The following CDC42BPB variants were observed in gnomAD, a reference collection of about 807,000 sequenced individuals.
CDC42BPB encodes the protein CDC42 binding protein kinase beta.
CDC42BPB carries 37 observed loss-of-function variants against 214.9 expected under a neutral mutation model. The ratio of observed to expected loss-of-function variants is 0.17; its 90% confidence interval spans 0.13 to 0.23. CDC42BPB has a LOEUF of 0.23. CDC42BPB is among the 10% of genes least tolerant of loss of function. The pLI, the probability that CDC42BPB is intolerant of heterozygous loss-of-function variation, is 1.00. For synonymous variants in CDC42BPB, 931 were observed against 884.0 expected, an observed-to-expected ratio of 1.05 and a Z score of -0.94; for missense variants, 1,694 against 2,227.0, an observed-to-expected ratio of 0.76 and a Z score of 4.82.
At chr14:102,964,141 T>C (rs1271879589) in intron 19 of CDC42BPB, among the ~76,000 whole-genome samples, 1 of 152,146 alleles carries the variant, frequency 6.6e-6, no homozygotes, top group Admixed American at 6.5e-5. Context: ...AATCTTGAAT[T>C]AGTGAATGGA....
At position 102,943,853 on chromosome 14, in the gene CDC42BPB, G is replaced by A. The variant is rs750198864; in HGVS notation, c.4408+38C>T. ...CACATGCTGACTGTCGGTGGGAAAA[G>A]CAGCAACAGGGATATGCAACAGAAA... On this transcript the variant is annotated intron_variant, in intron 30 of 36. Transcript: ENST00000361246. The surrounding 1 kb of genome is among the most constrained non-coding windows in gnomAD (Gnocchi z 4.6). The A allele has an allele frequency of 1.3e-6, 2 of 1,544,276 alleles. No homozygotes were observed. The highest frequency in any genetic ancestry group is 4.5e-5 in the East Asian group (2 of 44,186).
At chr14:102,979,023 A>G (rs1241311864) in intron 8 of CDC42BPB, among the ~76,000 whole-genome samples, 3 of 152,166 alleles carry the variant, frequency 2.0e-5, no homozygotes, top group African/African-American at 4.8e-5. Context: ...AAAAAATATA[A>G]GCAAAGTTCT....
chr14:103,010,986 C>T (rs1886123852), intron 2 of CDC42BPB, among the ~76,000 whole-genome samples: 1 of 152,204 alleles, frequency 6.6e-6, no homozygotes, highest in Non-Finnish European at 1.5e-5. Flanking sequence ...GCGGAGATCG[C>T]ACCACTGCAC....
chr14:103,049,541 T>TG (rs1458027400), intron 1 of CDC42BPB, among the ~76,000 whole-genome samples: 2 of 152,222 alleles, frequency 1.3e-5, no homozygotes, highest in African/African-American at 4.8e-5. Context: ...TGGTAGTCTG[T>TG]GGGAAGTTGG....
chr14:103,024,713 T>C (rs34083811), intron 1 of CDC42BPB, among the ~76,000 whole-genome samples: 2,900 of 152,290 alleles, frequency 0.019, 34 homozygotes, highest in Middle Eastern at 0.024. Flanking sequence ...AACCCACCCA[T>C]TGCTAATGGC....
intron 14 of CDC42BPB, 29 bp downstream of exon 14, chr14:102,970,122 T>G: frequency 6.5e-7 from 1 of 1,547,230 alleles, no homozygotes; most frequent in Non-Finnish European, 8.9e-7. Context: ...CCCTCTCAGT[T>G]AAGGGCAGAG....
intron 5 of CDC42BPB, among the ~76,000 whole-genome samples, chr14:102,998,211 CAGAG>C (rs1894827237): frequency 6.6e-6 from 1 of 151,992 alleles, no homozygotes; most frequent in African/African-American, 2.4e-5. Flanking sequence ...AGATGGGTGA[CAGAG>C]AGAAAGAGGT....
chr14:102,946,538 C>A lies in CDC42BPB; in HGVS notation c.3678G>T (p.Val1226=), dbSNP rs1892185858. The change falls in exon 28 of 37, where the codon GTG becomes GTT. Residue 1226 remains valine, a synonymous_variant. Coordinates refer to ENST00000361246, the MANE Select transcript of CDC42BPB (RefSeq NM_006035.4). ...LHKNRLRNQV[V]HVPLEAYDSS... Reference sequence around the variant, plus strand: ...TGTCGTAGGCTTCCAAGGGAACATGCACGACCTGATTCCTCAGCCGGTTTT... The same window carrying A: ...TGTCGTAGGCTTCCAAGGGAACATGAACGACCTGATTCCTCAGCCGGTTTT... 6.2e-7 allele frequency: 1 copy of A among 1,612,812 alleles called. No homozygotes were observed. Among genetic ancestry groups the A allele is most frequent in the Non-Finnish European group, 8.5e-7 (1 of 1,179,972 alleles).
intron 7 of CDC42BPB, among the ~76,000 whole-genome samples, 183 bp downstream of exon 7, chr14:102,983,373 C>A (rs941209556): frequency 3.3e-5 from 5 of 152,088 alleles, no homozygotes; most frequent in Non-Finnish European, 7.4e-5. Context: ...GTGCCGACCC[C>A]GCCTCTGGAT....
rs1469000098 is a variant in CDC42BPB at position 102,967,040 on chromosome 14, A to G, written c.2471+6T>C. 1 of 1,613,504 alleles carries G rather than the reference A, an allele frequency of 6.2e-7. No homozygotes were observed. The highest frequency in any genetic ancestry group is 8.5e-7 in the Non-Finnish European group (1 of 1,179,950). On this transcript the variant is annotated splice_donor_region_variant and intron_variant, in intron 17 of 36. Transcript: ENST00000361246. ...TTCACGGCCGCTAATGGGGCCGCGC[A>G]CGTACCACTGAATGATTTCCGCAAT...
chr14:103,033,245 G>A (rs994908507), intron 1 of CDC42BPB, among the ~76,000 whole-genome samples: 16 of 151,868 alleles, frequency 1.1e-4, no homozygotes, highest in African/African-American at 3.1e-4. Context: ...GTTTTGAGAC[G>A]GAGTATCGCT....
At position 102,943,272 on chromosome 14, in the gene CDC42BPB, C is replaced by T. The variant is rs953602244; in HGVS notation, c.4408+619G>A. 6.6e-6 allele frequency among the ~76,000 whole-genome samples: 1 copy of T among 152,210 alleles called. No homozygotes were observed. The highest frequency in any genetic ancestry group is 1.5e-5 in the Non-Finnish European group (1 of 68,044). ...TACAGGTGTGAGCCACCGCTCTCCA[C>T]CCGGTTTAAGGTTTTAAAAGCAATC... On this transcript the variant is annotated intron_variant, in intron 30 of 36. Transcript: ENST00000361246. The surrounding 1 kb of genome is among the most constrained non-coding windows in gnomAD (Gnocchi z 4.6).
intron 19 of CDC42BPB, 170 bp from the exon 20 acceptor site, chr14:102,963,325 A>G: frequency 3.1e-6 from 3 of 974,628 alleles, no homozygotes; most frequent in Non-Finnish European, 3.7e-6. Context: ...AACAGTACGA[A>G]TATTTCAAAT....
chr14:102,970,282 T>C (rs1351580391), intron 13 of CDC42BPB, 21 bp from the exon 14 acceptor site: 2 of 1,599,940 alleles, frequency 1.3e-6, no homozygotes, highest in Non-Finnish European at 1.7e-6. Context: ...AAGATCCAGT[T>C]TCTATTAACA....
chr14:102,942,428 C>CAA (rs1463686330), intron 30 of CDC42BPB, among the ~76,000 whole-genome samples: 2 of 152,220 alleles, frequency 1.3e-5, no homozygotes, highest in Non-Finnish European at 2.9e-5. Flanking sequence ...TGTCATTCCC[C>CAA]AACTCTTGGC....
chr14:103,032,061 G>A (rs1030797638), intron 1 of CDC42BPB, among the ~76,000 whole-genome samples: 12 of 151,448 alleles, frequency 7.9e-5, no homozygotes, highest in Non-Finnish European at 1.5e-4. Flanking sequence ...AGGGAGCCAA[G>A]AGCACCAGCC....
chr14:102,954,587 G>T lies in CDC42BPB; in HGVS notation c.2988+15C>A. On this transcript the variant is annotated intron_variant, in intron 22 of 36. Coordinates refer to ENST00000361246, the MANE Select transcript of CDC42BPB (RefSeq NM_006035.4). ...GACCCCAGGTGGGAGCATCACCAGG[G>T]CAACGCTGTCTCACCTCCTGCTGCT... 6.2e-7 allele frequency: 1 copy of T among 1,606,908 alleles called. No individual in the cohort carries two copies. The highest frequency in any genetic ancestry group is 1.3e-5 in the African/African-American group (1 of 74,904).
intron 1 of CDC42BPB, among the ~76,000 whole-genome samples, chr14:103,042,459 T>C (rs1016867516): frequency 6.6e-6 from 1 of 152,090 alleles, no homozygotes; most frequent in Non-Finnish European, 1.5e-5. Context: ...TACAGGCGCC[T>C]GCCACCATGC....
At chr14:102,962,943 T>C in intron 20 of CDC42BPB, 118 bp downstream of exon 20, 1 of 556,362 alleles carries the variant, frequency 1.8e-6, no homozygotes, top group Non-Finnish European at 3.2e-6. Context: ...TGGAAAATAC[T>C]GAATTTGGAA....
Sources: allele counts gnomAD v4.1 joint callset (sites outside exome capture counted in the v4.1 genomes callset), GRCh38; gene constraint gnomAD v4.1.1; non-coding constraint Gnocchi (gnomAD v3.1); transcripts MANE v1.5; gene names NCBI Gene and HGNC (gene_info 2026-07-23, HGNC 2026-07-21).